Variants in CLCN3 observed in about 807,000 individuals in gnomAD.
CLCN3 encodes H(+)/Cl(-) exchange transporter 3.
In CLCN3, 16 loss-of-function variants were observed where a neutral mutation model predicts 83.4. The ratio of observed to expected loss-of-function variants is 0.19; its 90% CI spans 0.13 to 0.29. The LOEUF is 0.29. CLCN3 is among the 10% of genes least tolerant of loss of function. CLCN3 has a pLI of 1.00. For missense variants in CLCN3, 544 were observed against 1,006.0 expected (o/e 0.54, Z 6.21); for synonymous variants, 322 against 346.2 (o/e 0.93, Z 0.78).
chr4:169,681,096 TG>T (rs1351832834), intron 3 of CLCN3, among the ~76,000 whole-genome samples: 1 of 152,202 alleles, frequency 6.6e-6, no homozygotes, highest in Non-Finnish European at 1.5e-5. Context: ...TTGCCCAAAC[TG>T]GAGTGCAGTG....
chr4:169,621,536 GCGGAGCAT>G (rs774097802), intron 1 of CLCN3, among the ~76,000 whole-genome samples: 91 of 152,314 alleles, frequency 6.0e-4, no homozygotes, highest in Non-Finnish European at 1.1e-3. Flanking sequence ...TTTTAAAACT[GCGGAGCAT>G]ATAGAAGATA....
intron 2 of CLCN3, among the ~76,000 whole-genome samples, chr4:169,652,685 T>A (rs2150213414): frequency 6.6e-6 from 1 of 152,302 alleles, no homozygotes; most frequent in African/African-American, 2.4e-5. Flanking sequence ...TCATAGGTCA[T>A]GTTTTCCCCA....
At chr4:169,690,425 G>A (rs1394603814) in intron 5 of CLCN3, 105 bp from the exon 6 acceptor site, 116 of 1,185,890 alleles carry the variant, frequency 9.8e-5, no homozygotes, top group Middle Eastern at 4.8e-4. Flanking sequence ...GATTACAGGC[G>A]TGAGCCACCA....
chr4:169,683,970 C>T (rs1399467478), intron 3 of CLCN3, among the ~76,000 whole-genome samples: 4 of 152,014 alleles, frequency 2.6e-5, no homozygotes, highest in Non-Finnish European at 4.4e-5. Flanking sequence ...CTCAAACTCC[C>T]GGCCTCAAGT....
Position 169,721,822 on chromosome 4 carries a change from A to C in CLCN3, c.*1825A>C, listed in dbSNP as rs1449070478. On this transcript the variant is annotated 3_prime_UTR_variant, in exon 13 of 13. Transcript: ENST00000513761. ...TGTAATTATGCATTTTTGATAGGAA[A>C]ATGAAATTTTTGCAAACAGACATTT... 6.6e-6 allele frequency: 1 copy of C among 152,144 alleles called. No individual in the cohort carries two copies. The highest frequency in any genetic ancestry group is 1.9e-4 in the East Asian group (1 of 5,198). The allele number at this position is 152,144 out of a possible 1,614,324, so 9.4% of individuals were successfully genotyped here.
At chr4:169,623,643 A>G (rs1241731074) in intron 1 of CLCN3, among the ~76,000 whole-genome samples, 1 of 152,068 alleles carries the variant, frequency 6.6e-6, no homozygotes, top group South Asian at 2.1e-4. Context: ...GTATTCTTTG[A>G]CTAACCTCTC....
intron 2 of CLCN3, among the ~76,000 whole-genome samples, chr4:169,644,857 T>C (rs1730528684): frequency 6.6e-6 from 1 of 152,022 alleles, no homozygotes; most frequent in African/African-American, 2.4e-5. Flanking sequence ...TCAGAGTTAG[T>C]GGTAGCAGAC....
In CLCN3 at chr4:169,620,635, A is replaced by T; in HGVS notation, c.-445A>T. The T allele has an allele frequency of 2.5e-6, 1 of 397,120 alleles. No individual in the cohort carries two copies. The highest frequency in any genetic ancestry group is 4.4e-6 in the Non-Finnish European group (1 of 225,736). 24.6% of individuals were successfully genotyped at this position (397,120 alleles called of 1,614,324 possible). A position where few individuals can be genotyped will look rare whatever the true frequency, so the allele number is the denominator to read the frequency against. On this transcript the variant is annotated 5_prime_UTR_variant, in exon 1 of 13. Coordinates refer to ENST00000513761, the MANE Select transcript of CLCN3 (RefSeq NM_001829.4). ...GTCCGGAACCTGCAGCCCCTTTCCC[A>T]GTGTTCTAGTTCGCCCGTGACCCGG...
intron 2 of CLCN3, among the ~76,000 whole-genome samples, chr4:169,648,692 C>CA (rs1178077016): frequency 6.6e-6 from 1 of 152,028 alleles, no homozygotes; most frequent in Non-Finnish European, 1.5e-5. Flanking sequence ...AACAATCTCA[C>CA]AAAAAAAGTT....
Position 169,629,223 on chromosome 4 carries a change from A to G in CLCN3, c.-16-6690A>G, listed in dbSNP as rs141342446. On this transcript the variant is annotated intron_variant, in intron 1 of 12. Coordinates refer to ENST00000513761, the MANE Select transcript of CLCN3 (RefSeq NM_001829.4). ...GTCCTTATCTTGATTGTGATATTGT[A>G]CTATAGTTTTGCGAGATGTTCCCAT... is the stretch of plus-strand genomic sequence containing the variant. 3.8e-3 allele frequency among the ~76,000 whole-genome samples: 583 copies of G among 152,326 alleles called. 6 individuals carry two copies. Among genetic ancestry groups the G allele is most frequent in the African/African-American group, 0.012 (516 of 41,568 alleles).
intron 5 of CLCN3, among the ~76,000 whole-genome samples, chr4:169,690,292 TGC>T (rs1327362517): frequency 2.6e-5 from 4 of 151,920 alleles, no homozygotes; most frequent in Admixed American, 6.6e-5. Flanking sequence ...ATTACAGGCG[TGC>T]GCCACCATGC....
chr4:169,697,254 T>C lies in CLCN3; in HGVS notation c.1083T>C (p.Phe361=). The change falls in exon 9 of 13, where the codon TTT becomes TTC. Residue 361 remains phenylalanine (F), a synonymous_variant. Coordinates refer to ENST00000513761, the MANE Select transcript of CLCN3 (RefSeq NM_001829.4). ...TTTTTGCTGCTTTAGTGGCTGCATT[T>C]GTTTTGAGGTCCATCAATCCATTTG... The part of the protein sequence containing the change: ...RSFFAALVAA[F]VLRSINPFGN... 6.2e-7 allele frequency: 1 copy of C among 1,612,450 alleles called. No homozygotes were observed. The highest frequency in any genetic ancestry group is 8.5e-7 in the Non-Finnish European group (1 of 1,179,704).
Position 169,707,077 on chromosome 4 carries a change from G to T in CLCN3, c.1960G>T (p.Ala654Ser), listed in dbSNP as rs544550257. 1 of 1,614,056 alleles carries T rather than the reference G, an allele frequency of 6.2e-7. No individual in the cohort carries two copies. Among genetic ancestry groups the T allele is most frequent in the East Asian group, 2.2e-5 (1 of 44,878 alleles). ...AKEEFTHTTL[A>S]ADVMRPRRND... ...AGAAGAATTCACTCATACCACCCTG[G>T]CTGCTGACGTTATGAGACCTCGAAG... Residue 654 changes from alanine (A) to serine (S), a missense_variant, in exon 11 of 13, where the codon GCT becomes TCT. Around this residue, in one of 6 missense-constraint regions of CLCN3, gnomAD observed 142 missense variants for 225.0 expected, o/e 0.63. Transcript: ENST00000513761.
Position 169,680,034 on chromosome 4 carries a change from C to T in CLCN3, c.161-16C>T, listed in dbSNP as rs766485898. 1 of 1,602,176 alleles carries T rather than the reference C, an allele frequency of 6.2e-7. No homozygotes were observed. The highest frequency in any genetic ancestry group is 2.2e-5 in the East Asian group (1 of 44,816). On this transcript the variant is annotated splice_polypyrimidine_tract_variant and intron_variant, in intron 2 of 12. Coordinates refer to ENST00000513761, the MANE Select transcript of CLCN3 (RefSeq NM_001829.4). The stretch of plus-strand genomic sequence containing the variant: ...CTCTTCTAAAACATACTCATCTTTC[C>T]TTTTCTCTTCTGTAGGAACTCATTA...
chr4:169,626,893 A>T (rs1773248506), intron 1 of CLCN3, among the ~76,000 whole-genome samples: 1 of 152,204 alleles, frequency 6.6e-6, no homozygotes, highest in African/African-American at 2.4e-5. Flanking sequence ...CATGGATGAA[A>T]ACCAATATAT....
At position 169,720,247 on chromosome 4, in the gene CLCN3, A is replaced by G. The variant is rs1253162777; in HGVS notation, c.*250A>G. The G allele has an allele frequency of 1.5e-5, 9 of 581,150 alleles. No homozygotes were observed. In the East Asian group the frequency reaches 2.6e-4, roughly 17 times the overall value. 36.0% of individuals were successfully genotyped at this position (581,150 alleles called of 1,614,324 possible). ...CCGTCTAACAGAAAGCAGCGTATCA[A>G]CTCCTATTGTTCTGCACTGGATGCA... On this transcript the variant is annotated 3_prime_UTR_variant, in exon 13 of 13. Transcript: ENST00000513761.
chr4:169,688,733 G>T (rs1732255081), intron 4 of CLCN3, among the ~76,000 whole-genome samples: 1 of 152,064 alleles, frequency 6.6e-6, no homozygotes, highest in Admixed American at 6.6e-5. Context: ...TTGAAAATTA[G>T]ATTTGTGAAC....
chr4:169,702,345 T>G (rs1345098714), intron 9 of CLCN3, among the ~76,000 whole-genome samples: 1 of 152,158 alleles, frequency 6.6e-6, no homozygotes, highest in Non-Finnish European at 1.5e-5. Flanking sequence ...AACTTAAAAG[T>G]CAAAATTAGT....
At chr4:169,697,105 A>T (rs1398387256) in intron 8 of CLCN3, 84 bp from the exon 9 acceptor site, 1 of 980,730 alleles carries the variant, frequency 1.0e-6, no homozygotes, top group East Asian at 2.7e-5. Flanking sequence ...TAGAGCTAGG[A>T]TATTTACCAT....
Sources: gnomAD v4.1 joint callset for allele counts (sites outside exome capture counted in the v4.1 genomes callset) on GRCh38, gnomAD v4.1.1 for gene constraint, gnomAD v4.1.1 regional missense constraint, MANE v1.5 for transcripts, NCBI Gene and HGNC (gene_info 2026-07-23, HGNC 2026-07-21) for gene names.